PLCH1: variants seen among roughly 807,000 people sequenced by gnomAD.
PLCH1 encodes the protein 1-phosphatidylinositol 4,5-bisphosphate phosphodiesterase eta-1.
Under a neutral mutation model 126.7 loss-of-function variants are expected in PLCH1, and 60 were observed. The observed-to-expected ratio is 0.47, with a 90% confidence interval of 0.38 to 0.59. The LOEUF (loss-of-function observed/expected upper bound fraction) is 0.59, where lower values mean the gene tolerates loss of function less well. Ranked by LOEUF, PLCH1 falls within the 20% of genes least tolerant of loss-of-function variation. The pLI, the probability that PLCH1 is intolerant of heterozygous loss-of-function variation, is 0.00. For missense variants in PLCH1, 1,723 were observed against 2,040.0 expected (o/e 0.84, Z 2.99); for synonymous variants, 719 against 734.9 (o/e 0.98, Z 0.35).
intron 2 of PLCH1, among the ~76,000 whole-genome samples, chr3:155,611,281 C>G (rs1167153874): frequency 1.3e-5 from 2 of 151,956 alleles, no homozygotes; most frequent in Non-Finnish European, 2.9e-5. Flanking sequence ...CCCAGCTACT[C>G]AGGAGGCTGA....
intron 10 of PLCH1, among the ~76,000 whole-genome samples, chr3:155,537,224 A>AAAC (rs1723546206): frequency 3.0e-4 from 3 of 10,166 alleles, no homozygotes; most frequent in African/African-American, 4.6e-4. Flanking sequence ...AAAAAAAAAA[A>AAAC]AAAAAAAAAC....
intron 2 of PLCH1, among the ~76,000 whole-genome samples, chr3:155,659,299 C>CT (rs1559906914): frequency 5.4e-5 from 3 of 55,438 alleles, no homozygotes; most frequent in Non-Finnish European, 1.1e-4. Flanking sequence ...TGTCTATTCA[C>CT]TTCTTTTTTT....
At chr3:155,467,255 A>G (rs1712961917) in intron 21 of PLCH1, among the ~76,000 whole-genome samples, 1 of 145,854 alleles carries the variant, frequency 6.9e-6, no homozygotes, top group Non-Finnish European at 1.5e-5. Flanking sequence ...TCTTCTGACC[A>G]AAAAAAAAAA....
rs114307029 is a variant in PLCH1 at position 155,681,663 on chromosome 3, C to A, written c.79+22483G>T. 3.5e-3 allele frequency among the ~76,000 whole-genome samples: 527 copies of A among 152,290 alleles called. 8 individuals carry two copies. Among genetic ancestry groups the A allele is most frequent in the African/African-American group, 0.011 (467 of 41,564 alleles). On this transcript the variant is annotated intron_variant, in intron 2 of 22. Coordinates refer to ENST00000460012, the MANE Select transcript of PLCH1 (RefSeq NM_014996.4). ...GGAAATTTCACTGTGCACTCAACTA[C>A]AGAGGAAACCCAAAATCATTGCTAT...
chr3:155,596,070 C>A (rs556803814), intron 3 of PLCH1, among the ~76,000 whole-genome samples, 162 bp downstream of exon 3: 4 of 151,966 alleles, frequency 2.6e-5, no homozygotes, highest in African/African-American at 9.7e-5. Context: ...ATTTAAATTC[C>A]CCAAAGATGG....
intron 2 of PLCH1, among the ~76,000 whole-genome samples, chr3:155,691,248 C>T (rs769553942): frequency 3.3e-5 from 5 of 152,138 alleles, no homozygotes; most frequent in Admixed American, 6.5e-5. Flanking sequence ...GTAAAATAGT[C>T]TTGTTGAGAG....
At chr3:155,585,713 A>G (rs964231996) in intron 5 of PLCH1, among the ~76,000 whole-genome samples, 6 of 152,172 alleles carry the variant, frequency 3.9e-5, no homozygotes, top group Admixed American at 3.9e-4. Flanking sequence ...GACAAGGGCT[A>G]TTTTTTGTCA....
chr3:155,649,404 A>C (rs1740440064), intron 2 of PLCH1, among the ~76,000 whole-genome samples: 1 of 152,304 alleles, frequency 6.6e-6, no homozygotes, highest in Non-Finnish European at 1.5e-5. Context: ...TTCCCTTAGA[A>C]GGAGGTCTAG....
chr3:155,624,600 C>T (rs971277184), intron 2 of PLCH1, among the ~76,000 whole-genome samples: 1 of 116,022 alleles, frequency 8.6e-6, no homozygotes, highest in African/African-American at 4.7e-5. Context: ...TTCCTATACA[C>T]GAATAACAGA....
intron 2 of PLCH1, among the ~76,000 whole-genome samples, chr3:155,621,077 T>A (rs1736428593): frequency 6.6e-6 from 1 of 152,112 alleles, no homozygotes; most frequent in Non-Finnish European, 1.5e-5. Context: ...CAGGCTGCAA[T>A]CTTTGCTGTT....
intron 4 of PLCH1, among the ~76,000 whole-genome samples, chr3:155,588,897 G>C (rs1457927585): frequency 6.6e-6 from 1 of 152,082 alleles, no homozygotes; most frequent in Non-Finnish European, 1.5e-5. Flanking sequence ...CCAACTCTAA[G>C]ATTCCATAAA....
At chr3:155,725,808 A>T (rs1408522868) in intron 1 of PLCH1, among the ~76,000 whole-genome samples, 8 of 152,158 alleles carry the variant, frequency 5.3e-5, no homozygotes, top group Non-Finnish European at 1.2e-4. Context: ...TGGTTCCTTT[A>T]GATTATGATT....
intron 2 of PLCH1, among the ~76,000 whole-genome samples, chr3:155,619,971 T>C (rs1295247724): frequency 6.6e-6 from 1 of 152,254 alleles, no homozygotes; most frequent in Non-Finnish European, 1.5e-5. Context: ...TTTGTCCTAA[T>C]ATCATAAGCT....
chr3:155,719,944 C>A (rs146725198), intron 1 of PLCH1, among the ~76,000 whole-genome samples: 1 of 151,914 alleles, frequency 6.6e-6, no homozygotes, highest in Non-Finnish European at 1.5e-5. Context: ...TACAGTCATG[C>A]GCCACCATGC....
rs145408047 is a variant in PLCH1, at chr3:155,534,664, C to A, written c.1363-10660G>T. On this transcript the variant is annotated intron_variant, in intron 10 of 22. Coordinates refer to ENST00000460012, the MANE Select transcript of PLCH1 (RefSeq NM_014996.4). ...ATGATATGGTTTGGCTGTGTTCCCA[C>A]CCAAATATCATCTTGAATCATAATC... 5.8e-3 allele frequency among the ~76,000 whole-genome samples: 890 copies of A among 152,240 alleles called. 4 individuals are homozygous for A. Among genetic ancestry groups the A allele is most frequent in the African/African-American group, 0.02 (832 of 41,542 alleles).
intron 11 of PLCH1, among the ~76,000 whole-genome samples, chr3:155,517,550 G>A (rs548248248): frequency 1.3e-5 from 2 of 152,104 alleles, no homozygotes; most frequent in South Asian, 4.2e-4. Context: ...TCCAATTTCT[G>A]TCTCTGTCTT....
At position 155,723,953 on chromosome 3, in the gene PLCH1, CAAAAAAAAA is replaced by C. The variant is rs34436223; in HGVS notation, c.-40-19698_-40-19690del. ...TGGGTGACAGAGCTAAACTCCATCT[CAAAAAAAAA>C]AAAAAAAAAAAAATTCCATCTTGAT... On this transcript the variant is annotated intron_variant, in intron 1 of 22. Coordinates refer to ENST00000460012, the MANE Select transcript of PLCH1 (RefSeq NM_014996.4). Among the ~76,000 whole-genome samples the C allele has an allele frequency of 1.1e-4, 9 of 80,060 alleles. No homozygotes were observed. In the East Asian group the frequency reaches 2.9e-3, roughly 26 times the overall value. 52.5% of individuals were successfully genotyped at this position (80,060 alleles called of 152,430 possible). A position where few individuals can be genotyped will look rare whatever the true frequency, so the allele number is the denominator to read the frequency against.
At chr3:155,468,459 T>C (rs1045778189) in intron 21 of PLCH1, among the ~76,000 whole-genome samples, 2 of 152,008 alleles carry the variant, frequency 1.3e-5, no homozygotes, top group African/African-American at 2.4e-5. Flanking sequence ...GGCTGAATAA[T>C]GAAAAACAAG....
intron 21 of PLCH1, among the ~76,000 whole-genome samples, chr3:155,457,923 C>A (rs1251375464): frequency 1.3e-5 from 2 of 152,194 alleles, no homozygotes; most frequent in Non-Finnish European, 2.9e-5. Context: ...TACATCCAAA[C>A]TTCTGTGGCA....
Sources: gnomAD v4.1 joint callset for allele counts (sites outside exome capture counted in the v4.1 genomes callset) on GRCh38, gnomAD v4.1.1 for gene constraint, MANE v1.5 for transcripts, NCBI Gene and HGNC (gene_info 2026-07-23, HGNC 2026-07-21) for gene names.